The following RAD51B variants were observed in gnomAD, a reference collection of about 807,000 sequenced individuals.
RAD51B encodes RAD51 paralog B.
A neutral mutation model predicts 42.2 loss-of-function variants in RAD51B; 38 were observed. That is an observed-to-expected ratio of 0.90 (90% CI 0.70 to 1.18). The LOEUF (loss-of-function observed/expected upper bound fraction) is 1.18, where lower values mean the gene tolerates loss of function less well. Ranked by LOEUF, RAD51B falls within the 50% of genes most tolerant of loss-of-function variation. The probability of loss-of-function intolerance (pLI) is 0.00; values close to 1 mark genes in which losing one functional copy is unlikely to be tolerated. For missense variants in RAD51B, 373 were observed against 400.7 expected, an observed-to-expected ratio of 0.93 and a Z score of 0.59; for synonymous variants, 154 against 145.2, an observed-to-expected ratio of 1.06 and a Z score of -0.43.
intron 7 of RAD51B, among the ~76,000 whole-genome samples, chr14:68,283,402 C>T (rs1180787857): frequency 6.6e-6 from 1 of 152,190 alleles, no homozygotes; most frequent in Non-Finnish European, 1.5e-5. Flanking sequence ...TCTTCCACAT[C>T]CATGTGAACC....
chr14:68,131,813 G>C lies in RAD51B; in HGVS notation c.757-160071G>C, dbSNP rs184340218. On this transcript the variant is annotated intron_variant, in intron 7 of 10. Transcript: ENST00000471583. Reference sequence around the variant, plus strand: ...AAGATTTTTGATAAATGTTCATTTAGGAGGGAACCAATCAGATTATAGATT... The same window carrying C: ...AAGATTTTTGATAAATGTTCATTTACGAGGGAACCAATCAGATTATAGATT... 8.5e-5 allele frequency among the ~76,000 whole-genome samples: 13 copies of C among 152,274 alleles called. No individual in the cohort carries two copies. In the East Asian group the frequency reaches 2.5e-3, roughly 29 times the overall value.
rs1395494037 is a variant in RAD51B at position 68,466,403 on chromosome 14, A to T, written c.958-1769A>T. Among the ~76,000 whole-genome samples, 2 of 152,226 alleles carry T rather than the reference A, an allele frequency of 1.3e-5. 1 individual carries two copies. The highest frequency in any genetic ancestry group is 2.9e-5 in the Non-Finnish European group (2 of 68,026). On this transcript the variant is annotated intron_variant, in intron 9 of 10. Transcript: ENST00000471583. Reference sequence around the variant, plus strand: ...TTTACAGGTGGGGAAACTGAGACTTAACAAGTTTAGGTTGTCCAGAGTCAC... The same window carrying T: ...TTTACAGGTGGGGAAACTGAGACTTTACAAGTTTAGGTTGTCCAGAGTCAC...
At chr14:68,284,032 T>C (rs1386541180) in intron 7 of RAD51B, among the ~76,000 whole-genome samples, 4 of 152,216 alleles carry the variant, frequency 2.6e-5, no homozygotes, top group African/African-American at 9.7e-5. Flanking sequence ...GGAGATTTTT[T>C]TTCACCTCCT....
At chr14:68,540,410 G>A (rs1262115043) in intron 10 of RAD51B, 15 of 984,966 alleles carry the variant, frequency 1.5e-5, no homozygotes, top group Non-Finnish European at 1.8e-5. Flanking sequence ...GACTTATTCA[G>A]CCCTCCCTTA....
intron 10 of RAD51B, chr14:68,541,381 A>G: frequency 3.0e-6 from 3 of 985,446 alleles, no homozygotes; most frequent in Non-Finnish European, 3.6e-6. Context: ...AGTCCTTCCC[A>G]GAAGCACATC....
chr14:68,317,117 G>A (rs193027567), intron 8 of RAD51B, among the ~76,000 whole-genome samples: 146 of 152,152 alleles, frequency 9.6e-4, no homozygotes, highest in African/African-American at 3.4e-3. Context: ...CTTGAGATTA[G>A]CACTTATATT....
At chr14:67,882,788 T>A (rs2042950421) in intron 5 of RAD51B, among the ~76,000 whole-genome samples, 1 of 152,048 alleles carries the variant, frequency 6.6e-6, no homozygotes, top group Non-Finnish European at 1.5e-5. Context: ...CTCTGTTGCC[T>A]AGGCTGAGTG....
chr14:68,596,854 G>A (rs1891017961), downstream of RAD51B, among the ~76,000 whole-genome samples: 2 of 152,198 alleles, frequency 1.3e-5, no homozygotes, highest in Admixed American at 6.5e-5. Context: ...GGCAGACATT[G>A]GCAACACACC....
At chr14:68,405,449 A>G (rs1278359320) in intron 8 of RAD51B, among the ~76,000 whole-genome samples, 4 of 152,210 alleles carry the variant, frequency 2.6e-5, no homozygotes, top group Non-Finnish European at 2.9e-5. Flanking sequence ...TCTCTAAAAA[A>G]AAATTTAAAA....
At chr14:68,522,811 A>G (rs1886673454) in intron 10 of RAD51B, among the ~76,000 whole-genome samples, 1 of 152,152 alleles carries the variant, frequency 6.6e-6, no homozygotes, top group South Asian at 2.1e-4. Context: ...GGTCACCCCA[A>G]ACCTCCAGCT....
chr14:68,441,710 C>A (rs1467083424), intron 9 of RAD51B, among the ~76,000 whole-genome samples: 1 of 152,056 alleles, frequency 6.6e-6, no homozygotes, highest in East Asian at 1.9e-4. Flanking sequence ...GATATGTGAT[C>A]TTGGACAAAT....
chr14:67,951,089 A>C (rs574165580), intron 7 of RAD51B, among the ~76,000 whole-genome samples: 72 of 152,358 alleles, frequency 4.7e-4, no homozygotes, highest in African/African-American at 1.6e-3. Flanking sequence ...TATTGTGAGA[A>C]TAAGCAAAAT....
At chr14:68,337,266 T>TTA (rs370714966) in intron 8 of RAD51B, among the ~76,000 whole-genome samples, 2 of 151,974 alleles carry the variant, frequency 1.3e-5, no homozygotes, top group Non-Finnish European at 2.9e-5. Flanking sequence ...AAATAATTTT[T>TTA]AAAAGATTTG....
intron 7 of RAD51B, among the ~76,000 whole-genome samples, chr14:68,058,489 A>G (rs1036258036): frequency 4.6e-5 from 7 of 152,200 alleles, no homozygotes; most frequent in Non-Finnish European, 7.4e-5. Flanking sequence ...TCCAAAGATA[A>G]TCTGTGCACA....
At chr14:68,277,680 C>T (rs2081250058) in intron 7 of RAD51B, among the ~76,000 whole-genome samples, 1 of 151,904 alleles carries the variant, frequency 6.6e-6, no homozygotes, top group Non-Finnish European at 1.5e-5. Flanking sequence ...TATCTATTAC[C>T]ATAGTATTTC....
chr14:68,645,502 G>A (rs778328079), intron 10 of RAD51B, among the ~76,000 whole-genome samples: 2 of 152,068 alleles, frequency 1.3e-5, no homozygotes, highest in African/African-American at 2.4e-5. Flanking sequence ...CAGTTATTTT[G>A]GGTATGTACC....
intron 7 of RAD51B, among the ~76,000 whole-genome samples, chr14:68,022,583 A>G (rs1009904052): frequency 1.4e-5 from 2 of 147,826 alleles, no homozygotes; most frequent in African/African-American, 5.0e-5. Context: ...TTTGATTTAC[A>G]TTTTTCTGAC....
rs181914920 is a variant in RAD51B at position 68,448,379 on chromosome 14, G to T, written c.958-19793G>T. On this transcript the variant is annotated intron_variant, in intron 9 of 10. Transcript: ENST00000471583. ...AGCTGTGGACTACAGTTCACCCTAA[G>T]CAAGGAAGCGAGTGTTTTTTAACAT... Among the ~76,000 whole-genome samples the T allele has an allele frequency of 2.7e-4, 41 of 152,322 alleles. 1 individual carries two copies. Among genetic ancestry groups the T allele is most frequent in the Admixed American group, 2.1e-3 (32 of 15,310 alleles).
chr14:68,306,750 G>A (rs1180324767), intron 8 of RAD51B: 2 of 413,568 alleles, frequency 4.8e-6, no homozygotes, highest in Non-Finnish European at 9.9e-6. Flanking sequence ...AGATGAACTT[G>A]CATGGCCGAA....
Sources: gnomAD v4.1 joint callset for allele counts (sites outside exome capture counted in the v4.1 genomes callset) on GRCh38, gnomAD v4.1.1 for gene constraint, MANE v1.5 for transcripts, NCBI Gene and HGNC (gene_info 2026-07-23, HGNC 2026-07-21) for gene names.